The following FSTL4 variants were observed in gnomAD, a reference collection of about 807,000 sequenced individuals.
The protein encoded by FSTL4 is follistatin-related protein 4.
Under a neutral mutation model 78.2 loss-of-function variants are expected in FSTL4, and 28 were observed. The ratio of observed to expected loss-of-function variants is 0.36; its 90% CI spans 0.27 to 0.49. The LOEUF (loss-of-function observed/expected upper bound fraction) is 0.49. Among genes scored for constraint, FSTL4 ranks in the 20% least tolerant of loss-of-function variants. The probability of loss-of-function intolerance (pLI) is 0.98; values close to 1 mark genes in which losing one functional copy is unlikely to be tolerated. For missense variants in FSTL4, 922 were observed against 1,084.9 expected, an observed-to-expected ratio of 0.85 and a Z score of 2.11; for synonymous variants, 422 against 440.5, an observed-to-expected ratio of 0.96 and a Z score of 0.53.
chr5:133,412,359 G>T (rs147730025), intron 3 of FSTL4, among the ~76,000 whole-genome samples: 2 of 152,120 alleles, frequency 1.3e-5, no homozygotes, highest in East Asian at 3.9e-4. Flanking sequence ...AGAAATAAAT[G>T]CCAATGTATA....
At chr5:133,485,380 T>G (rs943873997) in intron 3 of FSTL4, among the ~76,000 whole-genome samples, 1 of 152,188 alleles carries the variant, frequency 6.6e-6, no homozygotes, top group African/African-American at 2.4e-5. Flanking sequence ...CAGCTTCCCA[T>G]GCAGGCAGAC....
intron 3 of FSTL4, among the ~76,000 whole-genome samples, chr5:133,466,756 C>T (rs551353569): frequency 6.6e-6 from 1 of 152,204 alleles, no homozygotes; most frequent in Non-Finnish European, 1.5e-5. Context: ...AACAGAGAGA[C>T]AAATGGATGC....
the FSTL4 span, among the ~76,000 whole-genome samples, chr5:133,630,420 G>A: frequency 6.6e-6 from 1 of 152,040 alleles, no homozygotes; most frequent in Non-Finnish European, 1.5e-5. Context: ...AAAATACCTA[G>A]GAATCCAACT....
At chr5:133,245,535 T>C (rs1752016564) in intron 7 of FSTL4, among the ~76,000 whole-genome samples, 1 of 152,236 alleles carries the variant, frequency 6.6e-6, no homozygotes, top group African/African-American at 2.4e-5. Context: ...CTTATTCCTG[T>C]CTCCTGAAGC....
rs140247744 is a variant in FSTL4, at chr5:133,540,024, T to C, written c.160+27162A>G. 2.5e-3 allele frequency among the ~76,000 whole-genome samples: 373 copies of C among 151,946 alleles called. 3 individuals are homozygous for C. Among genetic ancestry groups the C allele is most frequent in the African/African-American group, 8.7e-3 (360 of 41,426 alleles). ...GTAAAGCAGATTATCTTCCATAGTG[T>C]GGGTGAGTCTCATCCAATCAGTTGA... is the stretch of plus-strand genomic sequence containing the variant. On this transcript the variant is annotated intron_variant, in intron 3 of 15. Transcript: ENST00000265342.
intron 11 of FSTL4, among the ~76,000 whole-genome samples, chr5:133,221,904 T>TGTTTTTTTTG (rs796432581): frequency 1.9e-5 from 2 of 106,178 alleles, no homozygotes; most frequent in African/African-American, 9.8e-5. Flanking sequence ...TTTTTTTTTT[T>TGTTTTTTTTG]TTTTTTTTTT....
At chr5:133,259,826 G>A (rs1752475579) in intron 6 of FSTL4, among the ~76,000 whole-genome samples, 1 of 152,078 alleles carries the variant, frequency 6.6e-6, no homozygotes, top group African/African-American at 2.4e-5. Flanking sequence ...AGAGGTGTCA[G>A]GAATGACTCC....
chr5:133,707,580 A>C, the FSTL4 span, among the ~76,000 whole-genome samples: 1 of 152,148 alleles, frequency 6.6e-6, no homozygotes, highest in Non-Finnish European at 1.5e-5. Flanking sequence ...TCTGCATCTG[A>C]ATCCTACTCC....
chr5:133,373,347 T>C (rs942060072), intron 4 of FSTL4, among the ~76,000 whole-genome samples: 4 of 152,128 alleles, frequency 2.6e-5, no homozygotes, highest in Non-Finnish European at 5.9e-5. Flanking sequence ...CCTTGAATCT[T>C]GGACTGTGGG....
chr5:133,575,543 C>G (rs1214828471), intron 2 of FSTL4, among the ~76,000 whole-genome samples: 3 of 152,150 alleles, frequency 2.0e-5, no homozygotes, highest in Non-Finnish European at 2.9e-5. Flanking sequence ...ATGAAAAGAG[C>G]TAAGAGAGGG....
chr5:133,511,433 A>G (rs186484637), intron 3 of FSTL4, among the ~76,000 whole-genome samples: 2 of 152,266 alleles, frequency 1.3e-5, no homozygotes, highest in East Asian at 3.9e-4. Context: ...GCCTCTTCTA[A>G]GGAAAACTGT....
intron 3 of FSTL4, among the ~76,000 whole-genome samples, chr5:133,527,882 T>C (rs1759169666): frequency 6.6e-6 from 1 of 152,118 alleles, no homozygotes; most frequent in Non-Finnish European, 1.5e-5. Flanking sequence ...ATGGCAGCCT[T>C]GGCCTTGCTT....
intron 2 of FSTL4, among the ~76,000 whole-genome samples, chr5:133,599,411 C>T (rs1760808343): frequency 1.3e-5 from 2 of 152,128 alleles, no homozygotes; most frequent in South Asian, 4.1e-4. Flanking sequence ...TTTAAGTTAG[C>T]TGACACCACT....
rs140612952 is a variant in FSTL4 at position 133,274,504 on chromosome 5, C to G, written c.728-24928G>C. On this transcript the variant is annotated intron_variant, in intron 6 of 15. Coordinates refer to ENST00000265342, the MANE Select transcript of FSTL4 (RefSeq NM_015082.2). ...ACCTGTTAACTTACTTAAACTCTGG[C>G]CACCTATTTAAGAGGTTTCAAGAAG... Among the ~76,000 whole-genome samples the G allele has an allele frequency of 5.5e-3, 820 of 150,236 alleles. 4 individuals carry two copies. The highest frequency in any genetic ancestry group is 8.7e-3 in the Non-Finnish European group (592 of 67,784).
intron 4 of FSTL4, among the ~76,000 whole-genome samples, chr5:133,322,076 T>G (rs977176700): frequency 6.6e-6 from 1 of 152,214 alleles, no homozygotes; most frequent in African/African-American, 2.4e-5. Context: ...ACAGTGAGGT[T>G]TGGAGAATTT....
intron 3 of FSTL4, among the ~76,000 whole-genome samples, chr5:133,551,224 C>T (rs1170611045): frequency 3.3e-5 from 5 of 151,996 alleles, no homozygotes; most frequent in Admixed American, 1.3e-4. Flanking sequence ...CCTCTGTTTA[C>T]GATACTTGGG....
At chr5:133,348,843 T>A (rs1032813588) in intron 4 of FSTL4, among the ~76,000 whole-genome samples, 12 of 152,050 alleles carry the variant, frequency 7.9e-5, no homozygotes, top group Non-Finnish European at 5.9e-5. Context: ...GTACGGAAAG[T>A]CCCCAGCATG....
the FSTL4 span, among the ~76,000 whole-genome samples, chr5:133,710,383 G>C: frequency 6.6e-6 from 1 of 152,200 alleles, no homozygotes; most frequent in African/African-American, 2.4e-5. Context: ...ATTTGCCAGG[G>C]ACAGCCTGGG....
rs145623349 is a variant in FSTL4, at chr5:133,397,210, G to A, written c.409+3528C>T. ...CACAAATAGGAATGCGATGTCACAA[G>A]ATAACTTTGAAAACACAAACTCTAT... is the stretch of plus-strand genomic sequence containing the variant. On this transcript the variant is annotated intron_variant, in intron 4 of 15. Coordinates refer to ENST00000265342, the MANE Select transcript of FSTL4 (RefSeq NM_015082.2). 6.1e-3 allele frequency among the ~76,000 whole-genome samples: 929 copies of A among 152,350 alleles called. 48 individuals carry two copies. The highest frequency in any genetic ancestry group is 0.051 in the Admixed American group (786 of 15,300).
Sources: allele counts gnomAD v4.1 joint callset (sites outside exome capture counted in the v4.1 genomes callset), GRCh38; gene constraint gnomAD v4.1.1; transcripts MANE v1.5; gene names NCBI Gene and HGNC (gene_info 2026-07-23, HGNC 2026-07-21).